Variants in COMMD5 observed in about 807,000 individuals in gnomAD.
COMMD5 encodes the protein COMM domain-containing protein 5.
Under a neutral mutation model 6.9 loss-of-function variants are expected in COMMD5, and 10 were observed. That is an observed-to-expected ratio of 1.44 (90% CI 0.89 to 2.45). The LOEUF is 2.45. COMMD5 is among the 30% of genes most tolerant of loss of function. COMMD5 has a pLI of 0.00. For missense variants in COMMD5, 234 were observed against 287.8 expected (o/e 0.81, Z 1.35); for synonymous variants, 127 against 125.3 (o/e 1.01, Z -0.09).
Position 144,841,286 on chromosome 8 carries a change from C to T in COMMD5, c.*574G>A, listed in dbSNP as rs74621046. 4,410 of 1,484,368 alleles carry T rather than the reference C, an allele frequency of 3.0e-3. 103 individuals carry two copies. In the African/African-American group the frequency reaches 0.053, roughly 18 times the overall value. 91.9% of individuals were successfully genotyped at this position (1,484,368 alleles called of 1,614,324 possible). A position where few individuals can be genotyped will look rare whatever the true frequency, so the allele number is the denominator to read the frequency against. ...CCTGGGAGCCTTGAGCCCTGGCCCCCGCATTTGTAGTCTTATCATTTCTCT... is the reference window on the plus strand; with the variant it reads ...CCTGGGAGCCTTGAGCCCTGGCCCCTGCATTTGTAGTCTTATCATTTCTCT... On this transcript the variant is annotated 3_prime_UTR_variant and NMD_transcript_variant, in exon 2 of 2. Transcript: ENST00000530332.
chr8:144,849,309 C>G (rs1391281154), downstream of COMMD5, among the ~76,000 whole-genome samples: 1 of 152,176 alleles, frequency 6.6e-6, no homozygotes, highest in East Asian at 1.9e-4. Context: ...TGGGACAAAG[C>G]TGAGTGATCG....
chr8:144,844,560 A>G (rs1040177852), intron 1 of COMMD5, among the ~76,000 whole-genome samples: 21 of 151,924 alleles, frequency 1.4e-4, no homozygotes, highest in African/African-American at 5.1e-4. Flanking sequence ...AATACAAAAA[A>G]TTAGCCGGGC....
chr8:144,843,449 G>A lies in COMMD5; in HGVS notation c.*117-1706C>T, dbSNP rs539161515. On this transcript the variant is annotated intron_variant and NMD_transcript_variant, in intron 1 of 1. Coordinates refer to the COMMD5 transcript ENST00000530332. ...TAAAAATACAAAAATTTAGCTGGGC[G>A]TGGTGGCAGGCACCTGTGGTCCCAG... 164 of 255,312 alleles carry A rather than the reference G, an allele frequency of 6.4e-4. 2 individuals are homozygous for A. Among genetic ancestry groups the A allele is most frequent in the Middle Eastern group, 1.2e-3 (1 of 828 alleles). The allele number at this position is 255,312 out of a possible 1,614,324, so 15.8% of individuals were successfully genotyped here.
At chr8:144,839,742 A>T (rs560752854), downstream of COMMD5, among the ~76,000 whole-genome samples, 2 of 152,334 alleles carry the variant, frequency 1.3e-5, no homozygotes, top group East Asian at 3.9e-4. Flanking sequence ...AAATGCCCAG[A>T]TATGTTACTT....
At chr8:144,849,255 G>A (rs1830634675), downstream of COMMD5, among the ~76,000 whole-genome samples, 1 of 152,220 alleles carries the variant, frequency 6.6e-6, no homozygotes, top group South Asian at 2.1e-4. Context: ...GGGGGACAGT[G>A]CCTTCGGGGA....
intron 1 of COMMD5, chr8:144,843,366 C>G (rs566396656): frequency 4.0e-4 from 228 of 570,716 alleles, no homozygotes; most frequent in East Asian, 1.3e-3. Flanking sequence ...AAGGCGGGCA[C>G]ATCACGAGGT....
downstream of COMMD5, among the ~76,000 whole-genome samples, chr8:144,839,646 C>T (rs71520599): frequency 0.023 from 3,525 of 152,338 alleles, 39 homozygotes; most frequent in Admixed American, 0.034. Flanking sequence ...AGCACTTGCT[C>T]GCAGACCTGA....
downstream of COMMD5, among the ~76,000 whole-genome samples, chr8:144,848,022 A>G (rs1052843118): frequency 1.3e-5 from 2 of 152,148 alleles, no homozygotes; most frequent in Admixed American, 6.5e-5. Context: ...TGGTTTTTCA[A>G]TGGAAAAAAA....
At chr8:144,840,440 A>T (rs537159012), downstream of COMMD5, among the ~76,000 whole-genome samples, 3 of 152,220 alleles carry the variant, frequency 2.0e-5, no homozygotes, top group South Asian at 6.2e-4. Context: ...CGGGCTGGTT[A>T]TAGCTGTGGC....
chr8:144,845,714 C>T (rs1318106079), downstream of COMMD5, among the ~76,000 whole-genome samples: 3 of 152,208 alleles, frequency 2.0e-5, no homozygotes, highest in Admixed American at 6.5e-5. Flanking sequence ...CTGGTGACCT[C>T]CCACCTGCCT....
chr8:144,838,321 C>T (rs535911796), downstream of COMMD5: 2 of 579,570 alleles, frequency 3.5e-6, no homozygotes, highest in African/African-American at 3.7e-5. Flanking sequence ...AACAAGGTCA[C>T]ATTCTGAGGT....
intron 1 of COMMD5, chr8:144,852,527 GGGAGC>G: frequency 6.6e-6 from 1 of 152,386 alleles, no homozygotes; most frequent in South Asian, 2.1e-4. Context: ...ACAGCGCTGG[GGGAGC>G]CCAGGAGCTC....
intron 1 of COMMD5, chr8:144,842,027 G>C: frequency 6.2e-7 from 1 of 1,613,852 alleles, no homozygotes; most frequent in Middle Eastern, 1.7e-4. Flanking sequence ...AAGCCCTACA[G>C]ATGTGAGGAA....
At chr8:144,841,467 T>C (rs1400594784) in exon 2 of COMMD5, 1 of 1,614,124 alleles carries the variant, frequency 6.2e-7, no homozygotes, top group African/African-American at 1.3e-5. Context: ...CTCAGAATCC[T>C]GGCTTTGGAG....
downstream of COMMD5, among the ~76,000 whole-genome samples, chr8:144,845,511 T>A (rs1830463257): frequency 6.6e-6 from 1 of 152,148 alleles, no homozygotes; most frequent in Non-Finnish European, 1.5e-5. Context: ...CAAGGCCTGA[T>A]GCTTTTTTGC....
chr8:144,853,332 G>A (rs972326243), upstream of COMMD5: 6 of 152,266 alleles, frequency 3.9e-5, no homozygotes, highest in African/African-American at 1.4e-4. Context: ...GGTAAAGCGG[G>A]AGAACGCGTC....
At position 144,850,576 on chromosome 8, in the gene COMMD5, G is replaced by C; in HGVS notation, c.*88C>G. The C allele has an allele frequency of 7.2e-7, 1 of 1,396,382 alleles. No individual in the cohort carries two copies. The highest frequency in any genetic ancestry group is 9.8e-7 in the Non-Finnish European group (1 of 1,022,706). 86.5% of individuals were successfully genotyped at this position (1,396,382 alleles called of 1,614,324 possible). On this transcript the variant is annotated 3_prime_UTR_variant, in exon 2 of 2. Coordinates refer to ENST00000305103, the MANE Select transcript of COMMD5 (RefSeq NM_014066.4). This position sits in a 1 kb window ranked among gnomAD's most constrained non-coding sequence, Gnocchi z 4.0. Reference sequence around the variant, plus strand: ...AGAGCCTGCCTCATGGGAAGGGCAGGGCTGTCGTGGGAAGAGTCAGCTGCA... The same window carrying C: ...AGAGCCTGCCTCATGGGAAGGGCAGCGCTGTCGTGGGAAGAGTCAGCTGCA...
At chr8:144,839,880 C>T (rs1462728899), downstream of COMMD5, among the ~76,000 whole-genome samples, 1 of 152,242 alleles carries the variant, frequency 6.6e-6, no homozygotes, top group Non-Finnish European at 1.5e-5. Context: ...TGGGTGGTTC[C>T]TGGCATCCCC....
At chr8:144,840,510 A>G (rs957414784), downstream of COMMD5, among the ~76,000 whole-genome samples, 4 of 152,200 alleles carry the variant, frequency 2.6e-5, no homozygotes, top group African/African-American at 9.7e-5. Context: ...TGTCATGATC[A>G]TAGCCGTGTG....
Sources: gnomAD v4.1 joint callset for allele counts (sites outside exome capture counted in the v4.1 genomes callset) on GRCh38, gnomAD v4.1.1 for gene constraint, Gnocchi (gnomAD v3.1) non-coding constraint, MANE v1.5 for transcripts, NCBI Gene and HGNC (gene_info 2026-07-23, HGNC 2026-07-21) for gene names.